Variants in LARP1 observed in about 807,000 individuals in gnomAD.
The protein encoded by LARP1 is La ribonucleoprotein 1, translational regulator.
LARP1 carries 36 observed loss-of-function variants against 122.7 expected under a neutral mutation model. The ratio of observed to expected loss-of-function variants is 0.29; its 90% CI spans 0.22 to 0.39. The LOEUF is 0.39. LARP1 is among the 10% of genes least tolerant of loss of function. The pLI, the probability that LARP1 is intolerant of heterozygous loss-of-function variation, is 1.00. For missense variants in LARP1, 1,040 were observed against 1,403.6 expected (o/e 0.74, Z 4.14); for synonymous variants, 539 against 528.7 (o/e 1.02, Z -0.27).
intron 1 of LARP1, among the ~76,000 whole-genome samples, chr5:154,688,870 T>G (rs1428837575): frequency 1.3e-5 from 2 of 152,140 alleles, no homozygotes; most frequent in East Asian, 3.8e-4. Flanking sequence ...CTTTTGCCCT[T>G]GATTTGCCCT....
chr5:154,748,065 G>C (rs1375351542), intron 1 of LARP1, among the ~76,000 whole-genome samples: 1 of 152,130 alleles, frequency 6.6e-6, no homozygotes, highest in Non-Finnish European at 1.5e-5. Context: ...GGCCACGCTT[G>C]TCCTGAACTC....
rs374004458 is a variant in LARP1, at chr5:154,811,497, G to T, written c.2954-16G>T. The T allele has an allele frequency of 4.3e-6, 7 of 1,614,004 alleles. No homozygotes were observed. Among genetic ancestry groups the T allele is most frequent in the South Asian group, 2.2e-5 (2 of 91,086 alleles). On this transcript the variant is annotated splice_polypyrimidine_tract_variant and intron_variant, in intron 17 of 18. Transcript: ENST00000518297. The stretch of plus-strand genomic sequence containing the variant: ...TTATCCTCACCAGCTCAGCTTTTCT[G>T]TACCTCTCCCTACAGGCCAACTGTA...
rs1329704484 is a variant in LARP1, at chr5:154,755,497, G to C, written c.-261G>C. The C allele has an allele frequency of 2.1e-6, 2 of 932,798 alleles. No individual in the cohort carries two copies. Among genetic ancestry groups the C allele is most frequent in the Non-Finnish European group, 2.6e-6 (2 of 781,094 alleles). The allele number at this position is 932,798 out of a possible 1,614,324, so 57.8% of individuals were successfully genotyped here. Reference sequence around the variant, plus strand: ...TGGGGGCGTCTTGCGAGGAACGGGCGGGGGGGGACGCACGCCTAGGAGGCC... The same window carrying C: ...TGGGGGCGTCTTGCGAGGAACGGGCCGGGGGGGACGCACGCCTAGGAGGCC... On this transcript the variant is annotated 5_prime_UTR_variant, in exon 1 of 19. Coordinates refer to ENST00000518297, the MANE Select transcript of LARP1 (RefSeq NM_033551.3).
chr5:154,793,558 C>G (rs1266338556), intron 4 of LARP1, 37 bp from the exon 5 acceptor site: 1 of 1,613,968 alleles, frequency 6.2e-7, no homozygotes, highest in African/African-American at 1.3e-5. Context: ...GTGGCCTCTC[C>G]CTCAAGCCTT....
intron 1 of LARP1, among the ~76,000 whole-genome samples, chr5:154,789,526 CAA>C (rs1757178197): frequency 2.6e-5 from 4 of 152,134 alleles, no homozygotes; most frequent in Admixed American, 2.6e-4. Flanking sequence ...TGGCCACAAA[CAA>C]AGTTTTCATT....
At chr5:154,755,278 G>GTCCCC (rs1186888085), upstream of LARP1, among the ~76,000 whole-genome samples, 16 of 146,722 alleles carry the variant, frequency 1.1e-4, no homozygotes, top group Non-Finnish European at 4.5e-5. Context: ...CCGCTGCGCC[G>GTCCCC]TCCCCTCCCC....
At chr5:154,725,557 G>GA (rs1168452618) in intron 1 of LARP1, among the ~76,000 whole-genome samples, 42 of 145,218 alleles carry the variant, frequency 2.9e-4, no homozygotes, top group Non-Finnish European at 4.3e-4. Context: ...CTCAAAAGAA[G>GA]AAAAAAAAAA....
intron 8 of LARP1, among the ~76,000 whole-genome samples, chr5:154,796,648 C>G (rs1003495290): frequency 5.3e-5 from 8 of 152,134 alleles, no homozygotes; most frequent in Non-Finnish European, 1.2e-4. Context: ...TTGATTGTCT[C>G]TCTTGTGCTA....
At chr5:154,765,513 C>G (rs1404061610) in intron 1 of LARP1, among the ~76,000 whole-genome samples, 1 of 152,188 alleles carries the variant, frequency 6.6e-6, no homozygotes, top group Non-Finnish European at 1.5e-5. Flanking sequence ...ACCTCAGCCT[C>G]CAGAGTAGTA....
At chr5:154,743,987 T>A (rs1415269936) in intron 1 of LARP1, among the ~76,000 whole-genome samples, 1 of 152,086 alleles carries the variant, frequency 6.6e-6, no homozygotes, top group East Asian at 1.9e-4. Context: ...CAGTGCTGAG[T>A]CCTCAGAGAT....
intron 1 of LARP1, among the ~76,000 whole-genome samples, chr5:154,741,264 C>T (rs1186387014): frequency 6.6e-6 from 1 of 152,200 alleles, no homozygotes. Context: ...TTAAATGCTT[C>T]ATTTCACTCA....
intron 1 of LARP1, among the ~76,000 whole-genome samples, chr5:154,772,669 C>T (rs555763746): frequency 1.1e-4 from 16 of 152,290 alleles, no homozygotes; most frequent in Admixed American, 9.8e-4. Context: ...AATGTGGTCT[C>T]CTTCTCAAAA....
At chr5:154,689,154 A>G (rs529199361) in intron 1 of LARP1, among the ~76,000 whole-genome samples, 11 of 151,912 alleles carry the variant, frequency 7.2e-5, no homozygotes, top group Middle Eastern at 3.4e-3. Flanking sequence ...CCCCATGTCT[A>G]CTAAAAATAC....
Position 154,815,232 on chromosome 5 carries a change from A to G in LARP1, c.*1136A>G, listed in dbSNP as rs1439731370. ...GATATCCCTGCTGTTGCATCGTTTG[A>G]AGCTGACGTCCTGTGTCTGTACACT... On this transcript the variant is annotated 3_prime_UTR_variant, in exon 19 of 19. Coordinates refer to ENST00000518297, the MANE Select transcript of LARP1 (RefSeq NM_033551.3). The G allele has an allele frequency of 6.6e-6, 1 of 152,352 alleles. No individual in the cohort carries two copies. Among genetic ancestry groups the G allele is most frequent in the East Asian group, 1.9e-4 (1 of 5,170 alleles). 9.4% of individuals were successfully genotyped at this position (152,352 alleles called of 1,614,324 possible). A position where few individuals can be genotyped will look rare whatever the true frequency, so the allele number is the denominator to read the frequency against.
intron 1 of LARP1, among the ~76,000 whole-genome samples, chr5:154,779,727 C>CGGA (rs1425198826): frequency 3.3e-5 from 5 of 152,036 alleles, no homozygotes; most frequent in Non-Finnish European, 5.9e-5. Flanking sequence ...AGTCTGGTCT[C>CGGA]GGACTCCTGA....
chr5:154,781,123 C>T (rs1756389235), intron 1 of LARP1, among the ~76,000 whole-genome samples: 1 of 152,062 alleles, frequency 6.6e-6, no homozygotes, highest in African/African-American at 2.4e-5. Flanking sequence ...CCACCAAGGA[C>T]AGGAAGAAAA....
chr5:154,703,770 A>T (rs1003095414), intron 1 of LARP1, among the ~76,000 whole-genome samples: 23 of 151,942 alleles, frequency 1.5e-4, no homozygotes, highest in African/African-American at 5.6e-4. Context: ...ACAGGCGCCC[A>T]CCACCATGCC....
intron 1 of LARP1, among the ~76,000 whole-genome samples, chr5:154,776,255 C>G (rs1755874449): frequency 6.6e-6 from 1 of 152,204 alleles, no homozygotes; most frequent in East Asian, 1.9e-4. Context: ...CAATTCCCTT[C>G]AGAACCTTCA....
intron 1 of LARP1, among the ~76,000 whole-genome samples, chr5:154,772,880 T>A (rs59919514): frequency 0.05 from 7,591 of 151,762 alleles, 319 homozygotes; most frequent in African/African-American, 0.12. Context: ...AGAGACGGGG[T>A]TTTTCCGTGT....
Sources: allele counts gnomAD v4.1 joint callset (sites outside exome capture counted in the v4.1 genomes callset), GRCh38; gene constraint gnomAD v4.1.1; transcripts MANE v1.5; gene names NCBI Gene and HGNC (gene_info 2026-07-23, HGNC 2026-07-21).